Variants in MTNAP1 observed in about 807,000 individuals in gnomAD.
MTNAP1 encodes the protein mitochondrial nucleoid associated protein 1, also known as mitochondrial nucleoid-associated protein 1.
chr17:73,248,375 C>T, the MTNAP1 span: 1 of 914,070 alleles, frequency 1.1e-6, no homozygotes, highest in Non-Finnish European at 1.7e-6. Flanking sequence ...ACATGATTTA[C>T]CATTTTAAAC....
the MTNAP1 span, among the ~76,000 whole-genome samples, chr17:73,238,396 T>C: frequency 6.6e-6 from 1 of 152,196 alleles, no homozygotes; most frequent in Admixed American, 6.5e-5. Flanking sequence ...ACTGGTATTA[T>C]CTCTTCCTAA....
the MTNAP1 span, among the ~76,000 whole-genome samples, chr17:73,240,486 A>G: frequency 2.6e-5 from 4 of 152,340 alleles, no homozygotes; most frequent in African/African-American, 9.6e-5. Flanking sequence ...ATATCAATCT[A>G]TAGGGATTAA....
chr17:73,242,307 C>A, the MTNAP1 span: 3 of 1,594,790 alleles, frequency 1.9e-6, no homozygotes, highest in Admixed American at 5.2e-5. Flanking sequence ...GGACTTACAA[C>A]CTCCAACTTC....
chr17:73,238,046 T>G, the MTNAP1 span, among the ~76,000 whole-genome samples: 1 of 152,188 alleles, frequency 6.6e-6, no homozygotes, highest in African/African-American at 2.4e-5. Context: ...CTCACCTTGA[T>G]TATGAATCAA....
the MTNAP1 span, chr17:73,245,584 T>C: frequency 3.0e-6 from 3 of 985,422 alleles, no homozygotes; most frequent in Non-Finnish European, 3.6e-6. Flanking sequence ...GACTACTACC[T>C]ATATGTTGAT....
At chr17:73,247,228 C>T in the MTNAP1 span, 1 of 1,610,078 alleles carries the variant, frequency 6.2e-7, no homozygotes, top group Non-Finnish European at 8.5e-7. Context: ...TATTTACTAT[C>T]TGGCCTTTAC....
the MTNAP1 span, among the ~76,000 whole-genome samples, chr17:73,233,727 G>T: frequency 6.6e-6 from 1 of 152,190 alleles, no homozygotes; most frequent in African/African-American, 2.4e-5. Flanking sequence ...AGCTGGGCGT[G>T]GTGGCGCACG....
chr17:73,248,147 G>A, the MTNAP1 span: 1,323 of 246,292 alleles, frequency 5.4e-3, 71 homozygotes, highest in East Asian at 0.096. Context: ...TACATTTTTC[G>A]CTCATGTATG....
the MTNAP1 span, among the ~76,000 whole-genome samples, chr17:73,233,548 G>A: frequency 3.9e-5 from 6 of 152,216 alleles, no homozygotes; most frequent in African/African-American, 1.4e-4. Flanking sequence ...TCCAAAGAAA[G>A]AAAGAATGAT....
At chr17:73,240,888 G>C in the MTNAP1 span, among the ~76,000 whole-genome samples, 1 of 151,642 alleles carries the variant, frequency 6.6e-6, no homozygotes, top group East Asian at 1.9e-4. Flanking sequence ...TTTTTTTTAA[G>C]AGACTAACCT....
chr17:73,248,791 A>G, the MTNAP1 span: 21 of 427,902 alleles, frequency 4.9e-5, no homozygotes, highest in Non-Finnish European at 7.5e-5. Context: ...AATATCTGAA[A>G]GACTGAGTTT....
chr17:73,233,577 C>T, the MTNAP1 span, among the ~76,000 whole-genome samples: 1 of 152,166 alleles, frequency 6.6e-6, no homozygotes, highest in African/African-American at 2.4e-5. Context: ...CCTGTAATCC[C>T]AGCAGGCTGG....
chr17:73,244,708 A>G, the MTNAP1 span: 1 of 37,890 alleles, frequency 2.6e-5, no homozygotes, highest in Non-Finnish European at 6.4e-5. Context: ...CTTCTTAAGA[A>G]AAAAAAAAAT....
At chr17:73,241,894 A>G in the MTNAP1 span, among the ~76,000 whole-genome samples, 2 of 152,146 alleles carry the variant, frequency 1.3e-5, no homozygotes, top group East Asian at 3.9e-4. Flanking sequence ...ATGCCACTGC[A>G]CTCCAGCCTG....
chr17:73,242,207 G>C, the MTNAP1 span: 1 of 1,415,178 alleles, frequency 7.1e-7, no homozygotes, highest in Non-Finnish European at 9.8e-7. Flanking sequence ...GGTACGTTTC[G>C]GTAAACAATG....
chr17:73,247,387 C>T, the MTNAP1 span: 1 of 1,588,996 alleles, frequency 6.3e-7, no homozygotes, highest in Non-Finnish European at 8.6e-7. Flanking sequence ...CTCTCTAGTG[C>T]CTTCGTGCCC....
the MTNAP1 span, chr17:73,236,486 TCAACAC>T: frequency 6.2e-7 from 1 of 1,614,048 alleles, no homozygotes; most frequent in African/African-American, 1.3e-5. Context: ...TGTGAGAACT[TCAACAC>T]CAGGGATTCA....
At chr17:73,239,317 G>A in the MTNAP1 span, among the ~76,000 whole-genome samples, 5 of 152,068 alleles carry the variant, frequency 3.3e-5, no homozygotes, top group Admixed American at 3.3e-4. Flanking sequence ...TGTATTTTCT[G>A]TACTACATTT....
the MTNAP1 span, among the ~76,000 whole-genome samples, chr17:73,240,255 ATGT>A: frequency 1.3e-5 from 2 of 152,210 alleles, no homozygotes; most frequent in African/African-American, 4.8e-5. Flanking sequence ...TAACTAATAA[ATGT>A]TGTACTTAGT....
Sources: allele counts gnomAD v4.1 joint callset (sites outside exome capture counted in the v4.1 genomes callset), GRCh38; gene constraint gnomAD v4.1.1; transcripts MANE v1.5; gene names NCBI Gene and HGNC (gene_info 2026-07-23, HGNC 2026-07-21).